Variants in PRIMPOL observed in about 807,000 individuals in gnomAD.
PRIMPOL encodes DNA-directed primase/polymerase protein.
Under a neutral mutation model 63.6 loss-of-function variants are expected in PRIMPOL, and 54 were observed. That is an observed-to-expected ratio of 0.85 (90% CI 0.68 to 1.07). PRIMPOL has a LOEUF of 1.07. Ranked by LOEUF, PRIMPOL falls within the 50% of genes least tolerant of loss-of-function variation. PRIMPOL has a pLI of 0.00. For missense variants in PRIMPOL, 610 were observed against 648.3 expected, an observed-to-expected ratio of 0.94 and a Z score of 0.64; for synonymous variants, 197 against 220.2, an observed-to-expected ratio of 0.89 and a Z score of 0.93.
chr4:184,676,411 TC>T (rs1753462864), intron 7 of PRIMPOL, among the ~76,000 whole-genome samples: 1 of 93,772 alleles, frequency 1.1e-5, no homozygotes, highest in Non-Finnish European at 2.0e-5. Flanking sequence ...CCTTCCCTTC[TC>T]CCTTCCCTTC....
At chr4:184,682,653 A>G (rs530558951) in intron 9 of PRIMPOL, among the ~76,000 whole-genome samples, 1 of 152,270 alleles carries the variant, frequency 6.6e-6, no homozygotes, top group East Asian at 1.9e-4. Flanking sequence ...CAGCTACTTC[A>G]GGTAATTTTT....
At chr4:184,688,641 G>A (rs370309997) in intron 11 of PRIMPOL, among the ~76,000 whole-genome samples, 2 of 152,340 alleles carry the variant, frequency 1.3e-5, no homozygotes, top group East Asian at 1.9e-4. Flanking sequence ...AGGAAGCACC[G>A]AGGTTGTGAA....
chr4:184,688,211 G>A (rs567436901), intron 11 of PRIMPOL, among the ~76,000 whole-genome samples: 77 of 152,256 alleles, frequency 5.1e-4, no homozygotes, highest in African/African-American at 1.8e-3. Context: ...CGTGGAATAT[G>A]CACATAATTA....
At chr4:184,659,648 G>A (rs1250311078) in intron 4 of PRIMPOL, among the ~76,000 whole-genome samples, 1 of 152,072 alleles carries the variant, frequency 6.6e-6, no homozygotes, top group African/African-American at 2.4e-5. Context: ...GCACATACAC[G>A]AATATATGCG....
chr4:184,677,774 G>A lies in PRIMPOL; in HGVS notation c.845-458G>A, dbSNP rs145012947. 7.2e-3 allele frequency among the ~76,000 whole-genome samples: 1,089 copies of A among 152,206 alleles called. 12 individuals are homozygous for A. The highest frequency in any genetic ancestry group is 0.014 in the Middle Eastern group (4 of 294). ...ATTGAGTCTTCCAATCTATGCACATGGTAGGCCCATCTGTTTACTTAGGTA... is the reference window on the plus strand; with the variant it reads ...ATTGAGTCTTCCAATCTATGCACATAGTAGGCCCATCTGTTTACTTAGGTA... On this transcript the variant is annotated intron_variant, in intron 7 of 13. Transcript: ENST00000314970.
intron 13 of PRIMPOL, 91 bp from the exon 14 acceptor site, chr4:184,694,431 C>T: frequency 5.4e-6 from 8 of 1,482,754 alleles, no homozygotes; most frequent in Non-Finnish European, 7.2e-6. Context: ...CACTTAATAC[C>T]TTACTTCAAC....
chr4:184,662,243 T>A (rs868366631), intron 5 of PRIMPOL, among the ~76,000 whole-genome samples: 3 of 152,162 alleles, frequency 2.0e-5, no homozygotes, highest in Non-Finnish European at 2.9e-5. Context: ...CAAAATAATT[T>A]TTACTGTAAA....
At chr4:184,665,814 T>A in intron 5 of PRIMPOL, 103 bp from the exon 6 acceptor site, 1 of 722,708 alleles carries the variant, frequency 1.4e-6, no homozygotes, top group South Asian at 2.6e-5. Context: ...CAGAAATTAA[T>A]GACTTTTTAA....
chr4:184,677,260 C>T (rs984949875), intron 7 of PRIMPOL, among the ~76,000 whole-genome samples: 4 of 151,840 alleles, frequency 2.6e-5, no homozygotes, highest in African/African-American at 4.8e-5. Flanking sequence ...CTGCACCTGG[C>T]GTGGCTTTTA....
Position 184,694,751 on chromosome 4 carries a change from A to T in PRIMPOL, c.1655A>T (p.Glu552Val). 1 of 1,612,294 alleles carries T rather than the reference A, an allele frequency of 6.2e-7. No homozygotes were observed. The highest frequency in any genetic ancestry group is 8.5e-7 in the Non-Finnish European group (1 of 1,178,330). Residue 552 changes from glutamate to valine, a missense_variant, in exon 14 of 14, where the codon GAA (glutamate) becomes GTA (valine). Around this residue, in one of 3 missense-constraint regions of PRIMPOL, gnomAD observed 444 missense variants for 456.4 expected, o/e 0.97. Coordinates refer to ENST00000314970, the MANE Select transcript of PRIMPOL (RefSeq NM_152683.4). ...YNSEVDEIPD[E>V]LIIEVLQE The stretch of plus-strand genomic sequence containing the variant: ...AGTGAAGTGGATGAAATTCCTGATG[A>T]ACTAATTATAGAAGTATTACAAGAG...
rs760519739 is a variant in PRIMPOL at position 184,666,028 on chromosome 4, C to T, written c.520C>T (p.Leu174Phe). ...ATTCAGCCGGCATTTAATATTTCAG[C>T]TCCATGATGTGGCATTTAAAGATAA... ...EKFSRHLIFQ[L>F]HDVAFKDNIH... Residue 174 changes from leucine to phenylalanine, a missense_variant, in exon 6 of 14, where the codon CTC (leucine) becomes TTC (phenylalanine). Physicochemically the swap from Leu to Phe is conservative, Grantham distance 22. Coordinates refer to ENST00000314970, the MANE Select transcript of PRIMPOL (RefSeq NM_152683.4). 3.1e-6 allele frequency: 5 copies of T among 1,608,368 alleles called. No individual in the cohort carries two copies. Among genetic ancestry groups the T allele is most frequent in the Non-Finnish European group, 4.2e-6 (5 of 1,177,292 alleles).
At chr4:184,665,885 A>C in intron 5 of PRIMPOL, 32 bp from the exon 6 acceptor site, 1 of 1,439,502 alleles carries the variant, frequency 6.9e-7, no homozygotes. Flanking sequence ...AACAAAAAAT[A>C]TAAATTATTT....
At chr4:184,662,118 G>C (rs1465655344) in intron 5 of PRIMPOL, among the ~76,000 whole-genome samples, 1 of 152,010 alleles carries the variant, frequency 6.6e-6, no homozygotes, top group Non-Finnish European at 1.5e-5. Flanking sequence ...CAATTTTGCT[G>C]TCTGGTAAAA....
Position 184,685,442 on chromosome 4 carries a change from A to C in PRIMPOL, c.1130A>C (p.Tyr377Ser). Residue 377 changes from tyrosine to serine, a missense_variant, in exon 10 of 14, where the codon TAT becomes TCT. Tyr to Ser is a moderately radical substitution (Grantham distance 144). Coordinates refer to ENST00000314970, the MANE Select transcript of PRIMPOL (RefSeq NM_152683.4). ...ETIEGFQCSP[Y>S]PEVDHFVLSL... ...ATTGAAGGTTTTCAGTGTTCTCCCT[A>C]TCCTGAAGTTGATCATTTTGTTCTT... The C allele has an allele frequency of 6.2e-7, 1 of 1,613,182 alleles. No homozygotes were observed. The highest frequency in any genetic ancestry group is 8.5e-7 in the Non-Finnish European group (1 of 1,179,140).
chr4:184,687,734 C>T (rs1757368753), intron 11 of PRIMPOL, among the ~76,000 whole-genome samples: 1 of 152,208 alleles, frequency 6.6e-6, no homozygotes, highest in African/African-American at 2.4e-5. Flanking sequence ...CCGGCCTCAG[C>T]CTCCCGAGTA....
Position 184,659,392 on chromosome 4 carries a change from A to G in PRIMPOL, c.233A>G (p.Tyr78Cys). 1.9e-6 allele frequency: 3 copies of G among 1,614,018 alleles called. No homozygotes were observed. Among genetic ancestry groups the G allele is most frequent in the Non-Finnish European group, 2.5e-6 (3 of 1,179,898 alleles). Residue 78 changes from tyrosine (Y) to cysteine (C), a missense_variant, in exon 4 of 14, where the codon TAC (tyrosine) becomes TGC (cysteine). Tyr to Cys is a radical substitution (Grantham distance 194, BLOSUM62 -2). This residue lies in a region of PRIMPOL where 159 missense variants were observed against 168.9 expected (regional missense o/e 0.94). Transcript: ENST00000314970. ...ECKVGDGQRI[Y>C]LVTTYAEFWF... The stretch of plus-strand genomic sequence containing the variant: ...AAAGTAGGAGATGGACAACGTATTT[A>G]CCTTGTGACAACCTATGCTGAATTT...
At chr4:184,669,396 G>C (rs72689258) in intron 6 of PRIMPOL, among the ~76,000 whole-genome samples, 19,863 of 152,234 alleles carry the variant, frequency 0.13, 1,389 homozygotes, top group Middle Eastern at 0.17. Flanking sequence ...TTCATGCCCA[G>C]TGGTATCTGA....
At chr4:184,653,369 C>G (rs979480412) in intron 2 of PRIMPOL, among the ~76,000 whole-genome samples, 1 of 152,136 alleles carries the variant, frequency 6.6e-6, no homozygotes, top group South Asian at 2.1e-4. Flanking sequence ...TATAGTTACT[C>G]GAAAAGAACT....
At chr4:184,657,620 AGG>A (rs1389824163) in intron 3 of PRIMPOL, 1 of 201,390 alleles carries the variant, frequency 5.0e-6, no homozygotes, top group African/African-American at 2.3e-5. Context: ...GCTTAGAGGG[AGG>A]GGAACCATAT....
Sources: gnomAD v4.1 joint callset for allele counts (sites outside exome capture counted in the v4.1 genomes callset) on GRCh38, gnomAD v4.1.1 for gene constraint, gnomAD v4.1.1 regional missense constraint, MANE v1.5 for transcripts, NCBI Gene and HGNC (gene_info 2026-07-23, HGNC 2026-07-21) for gene names.